The following PSMD12 variants were observed in gnomAD, a reference collection of about 807,000 sequenced individuals.
PSMD12 encodes proteasome 26S subunit, non-ATPase 12.
PSMD12 carries 8 observed loss-of-function variants against 62.9 expected under a neutral mutation model. That is an observed-to-expected ratio of 0.13 (90% confidence interval 0.07 to 0.23). The LOEUF is 0.23. PSMD12 is among the 10% of genes least tolerant of loss of function. The probability of loss-of-function intolerance (pLI) is 1.00; values close to 1 mark genes in which losing one functional copy is unlikely to be tolerated. For missense variants in PSMD12, 424 were observed against 550.2 expected (o/e 0.77, Z 2.29); for synonymous variants, 173 against 187.4 (o/e 0.92, Z 0.63).
intron 7 of PSMD12, 62 bp from the exon 8 acceptor site, chr17:67,345,919 C>G (rs1276517150): frequency 4.9e-6 from 7 of 1,425,614 alleles, no homozygotes; most frequent in Middle Eastern, 1.8e-4. Flanking sequence ...TTGACAAAAA[C>G]TGAACAATCA....
Position 67,350,274 on chromosome 17 carries a change from G to T in PSMD12, c.360C>A (p.Ile120=). 6.2e-7 allele frequency: 1 copy of T among 1,613,250 alleles called. No individual in the cohort carries two copies. The highest frequency in any genetic ancestry group is 8.5e-7 in the Non-Finnish European group (1 of 1,179,678). The part of the protein sequence containing the change: ...TYVEEITDLP[I]KLRLIDTLRM... ...GTAGAGTATCAATTAATCGAAGTTTGATAGGAAGGTCTGTGATTTCCTCAA... is the reference window on the plus strand; with the variant it reads ...GTAGAGTATCAATTAATCGAAGTTTTATAGGAAGGTCTGTGATTTCCTCAA... Residue 120 remains isoleucine (I), a synonymous_variant, in exon 4 of 11, where the codon ATC becomes ATA. Coordinates refer to ENST00000356126, the MANE Select transcript of PSMD12 (RefSeq NM_002816.5).
At chr17:67,357,613 C>T (rs753624578) in intron 1 of PSMD12, 35 bp from the exon 2 acceptor site, 5 of 1,583,118 alleles carry the variant, frequency 3.2e-6, no homozygotes, top group Non-Finnish European at 4.3e-6. Flanking sequence ...AATAAAAAAA[C>T]ACACAAAATG....
At chr17:67,354,363 T>C (rs1186095045) in intron 3 of PSMD12, among the ~76,000 whole-genome samples, 9 of 151,640 alleles carry the variant, frequency 5.9e-5, no homozygotes, top group South Asian at 2.1e-4. Context: ...TGAGCTATGA[T>C]TGCACCACTG....
chr17:67,351,264 T>C (rs1046004415), intron 3 of PSMD12, among the ~76,000 whole-genome samples: 3 of 151,956 alleles, frequency 2.0e-5, no homozygotes. Flanking sequence ...TGGTGGCGGA[T>C]GCCTGTAGTT....
rs550179204 is a variant in PSMD12, at chr17:67,352,757, C to T, written c.298-2421G>A. On this transcript the variant is annotated intron_variant, in intron 3 of 10. Coordinates refer to ENST00000356126, the MANE Select transcript of PSMD12 (RefSeq NM_002816.5). Reference sequence around the variant, plus strand: ...TTCTGAGTAGTGATGAAATCAAATGCAGTCCCTCAAATCACCCTTCGGTCC... The same window carrying T: ...TTCTGAGTAGTGATGAAATCAAATGTAGTCCCTCAAATCACCCTTCGGTCC... 9.8e-5 allele frequency among the ~76,000 whole-genome samples: 15 copies of T among 152,288 alleles called. No homozygotes were observed. The South Asian group carries it at 3.1e-3, about 32-fold the overall frequency.
chr17:67,356,355 G>A (rs559234116), intron 3 of PSMD12, among the ~76,000 whole-genome samples: 2 of 151,152 alleles, frequency 1.3e-5, no homozygotes, highest in African/African-American at 2.4e-5. Flanking sequence ...TCAGGAGATC[G>A]AGACCATCCT....
At chr17:67,357,779 T>C (rs956421357) in intron 1 of PSMD12, among the ~76,000 whole-genome samples, 1 of 152,226 alleles carries the variant, frequency 6.6e-6, no homozygotes, top group African/African-American at 2.4e-5. Flanking sequence ...AGTGGTTCCC[T>C]ACTTGAAGCC....
At position 67,340,212 on chromosome 17, in the gene PSMD12, T is replaced by G. The variant is rs2041899334; in HGVS notation, c.*631A>C. 1 of 145,134 alleles carries G rather than the reference T, an allele frequency of 6.9e-6. No individual in the cohort carries two copies. The highest frequency in any genetic ancestry group is 1.5e-5 in the Non-Finnish European group (1 of 67,226). The allele number at this position is 145,134 out of a possible 1,614,324, so 9.0% of individuals were successfully genotyped here. A position where few individuals can be genotyped will look rare whatever the true frequency, so the allele number is the denominator to read the frequency against. ...ACTGATCAAGTGAGAGGATGAGGGC[T>G]GAAAGCAATCAAGCTACTGTGATTG... On this transcript the variant is annotated 3_prime_UTR_variant, in exon 11 of 11. Coordinates refer to ENST00000356126, the MANE Select transcript of PSMD12 (RefSeq NM_002816.5).
intron 4 of PSMD12, 70 bp downstream of exon 4, chr17:67,350,159 T>C (rs2042003935): frequency 1.1e-6 from 1 of 909,184 alleles, no homozygotes. Flanking sequence ...AATATCTACA[T>C]ACATTAAGTA....
chr17:67,365,382 A>G (rs2042169761), intron 1 of PSMD12, among the ~76,000 whole-genome samples: 1 of 152,154 alleles, frequency 6.6e-6, no homozygotes, highest in African/African-American at 2.4e-5. Flanking sequence ...TACCTGTAAA[A>G]TAAGGATAAT....
At position 67,348,560 on chromosome 17, in the gene PSMD12, T is replaced by C; in HGVS notation, c.500A>G (p.Gln167Arg). ...GDVKEAASIL[Q>R]ELQVETYGSM... The stretch of plus-strand genomic sequence containing the variant: ...AATGCAATACCTTACCTGTAACTCC[T>C]GTAAAATGGAGGCTGCCTCTTTCAC... The change falls in exon 5 of 11, where the codon CAG (glutamine) becomes CGG (arginine). Residue 167 changes from glutamine (Q) to arginine (R), a missense_variant. By Grantham distance (43) the Gln-to-Arg change is conservative. Coordinates refer to ENST00000356126, the MANE Select transcript of PSMD12 (RefSeq NM_002816.5). The C allele has an allele frequency of 6.2e-7, 1 of 1,613,282 alleles. No homozygotes were observed. Among genetic ancestry groups the C allele is most frequent in the Non-Finnish European group, 8.5e-7 (1 of 1,179,404 alleles).
chr17:67,350,803 G>A (rs1156290504), intron 3 of PSMD12, among the ~76,000 whole-genome samples: 1 of 152,172 alleles, frequency 6.6e-6, no homozygotes, highest in Non-Finnish European at 1.5e-5. Flanking sequence ...TTCCTCACAG[G>A]TTATATCAAG....
In PSMD12 at chr17:67,341,062, A is replaced by G; in HGVS notation, c.1162-10T>C. 1 of 1,526,818 alleles carries G rather than the reference A, an allele frequency of 6.5e-7. No homozygotes were observed. The highest frequency in any genetic ancestry group is 1.3e-5 in the South Asian group (1 of 79,436). The allele number at this position is 1,526,818 out of a possible 1,614,324, so 94.6% of individuals were successfully genotyped here. Reference sequence around the variant, plus strand: ...GAAAGGCTTCGGACTCCTGCAAGAGAGAAAGATAAATTGGATTAAGACAGG... The same window carrying G: ...GAAAGGCTTCGGACTCCTGCAAGAGGGAAAGATAAATTGGATTAAGACAGG... On this transcript the variant is annotated splice_polypyrimidine_tract_variant and intron_variant, in intron 10 of 10. Coordinates refer to ENST00000356126, the MANE Select transcript of PSMD12 (RefSeq NM_002816.5).
At chr17:67,347,512 T>G in intron 5 of PSMD12, 27 bp from the exon 6 acceptor site, 1 of 1,571,004 alleles carries the variant, frequency 6.4e-7, no homozygotes, top group Non-Finnish European at 8.6e-7. Context: ...CCAAATAAGT[T>G]TATAATACTT....
At chr17:67,348,285 T>C (rs1014179105) in intron 5 of PSMD12, among the ~76,000 whole-genome samples, 1 of 152,318 alleles carries the variant, frequency 6.6e-6, no homozygotes, top group African/African-American at 2.4e-5. Context: ...CCACCAGCAA[T>C]GAGTATTTTA....
chr17:67,356,188 A>C lies in PSMD12; in HGVS notation c.297+1115T>G, dbSNP rs542776857. On this transcript the variant is annotated intron_variant, in intron 3 of 10. Transcript: ENST00000356126. ...ACAAGGTTAAGGACTTGTCAAGAAG[A>C]GGGCTCAGAGAGTTTAGTCAAGGAG... Among the ~76,000 whole-genome samples, 170 of 152,238 alleles carry C rather than the reference A, an allele frequency of 1.1e-3. 4 individuals are homozygous for C. In the South Asian group the frequency reaches 0.035, roughly 31 times the overall value.
intron 3 of PSMD12, among the ~76,000 whole-genome samples, chr17:67,351,614 T>C (rs1346797546): frequency 6.6e-6 from 1 of 151,852 alleles, no homozygotes; most frequent in Non-Finnish European, 1.5e-5. Flanking sequence ...AGGGGGTACA[T>C]GTGGAGGTTT....
chr17:67,349,170 C>A (rs1567955283), intron 4 of PSMD12, among the ~76,000 whole-genome samples: 1 of 152,144 alleles, frequency 6.6e-6, no homozygotes, highest in Non-Finnish European at 1.5e-5. Context: ...CAGGCATGCG[C>A]CACCACGCCC....
chr17:67,351,786 C>CT (rs539634008), intron 3 of PSMD12, among the ~76,000 whole-genome samples: 81 of 144,000 alleles, frequency 5.6e-4, no homozygotes, highest in Non-Finnish European at 6.1e-4. Context: ...TTATTTCCAC[C>CT]TTTTTTTTTT....
Sources: gnomAD v4.1 joint callset for allele counts (sites outside exome capture counted in the v4.1 genomes callset) on GRCh38, gnomAD v4.1.1 for gene constraint, MANE v1.5 for transcripts, NCBI Gene and HGNC (gene_info 2026-07-23, HGNC 2026-07-21) for gene names.